Variants in EYS observed in about 807,000 individuals in gnomAD.
The protein encoded by EYS is protein eyes shut homolog.
Under a neutral mutation model 282.1 loss-of-function variants are expected in EYS, and 250 were observed. That is an observed-to-expected ratio of 0.89 (90% CI 0.80 to 0.98). The LOEUF is 0.98. EYS is among the 50% of genes least tolerant of loss of function. EYS has a pLI of 0.00. For synonymous variants in EYS, 1,355 were observed against 1,282.9 expected, an observed-to-expected ratio of 1.06 and a Z score of -1.20; for missense variants, 4,016 against 3,709.0, an observed-to-expected ratio of 1.08 and a Z score of -2.15.
chr6:64,255,700 T>C (rs916636955), intron 30 of EYS, among the ~76,000 whole-genome samples: 3 of 152,176 alleles, frequency 2.0e-5, no homozygotes, highest in African/African-American at 7.2e-5. Context: ...TGTATGCAAG[T>C]ATATATGTGT....
chr6:64,927,639 G>C (rs976589925), intron 15 of EYS, among the ~76,000 whole-genome samples: 7 of 152,026 alleles, frequency 4.6e-5, no homozygotes, highest in African/African-American at 1.4e-4. Context: ...TCTGGTGTAA[G>C]AAGTCCTAAA....
intron 14 of EYS, among the ~76,000 whole-genome samples, chr6:64,968,307 C>G (rs1012955452): frequency 1.3e-5 from 2 of 151,966 alleles, no homozygotes; most frequent in African/African-American, 4.8e-5. Context: ...TGCAGTTGTT[C>G]TATAAATTTT....
chr6:64,688,991 A>G (rs1770267661), intron 22 of EYS, among the ~76,000 whole-genome samples: 1 of 152,016 alleles, frequency 6.6e-6, no homozygotes, highest in African/African-American at 2.4e-5. Flanking sequence ...CAGGAGAAGG[A>G]AATAAAGGGC....
intron 31 of EYS, among the ~76,000 whole-genome samples, chr6:64,159,080 A>G (rs1374282085): frequency 6.6e-6 from 1 of 152,166 alleles, no homozygotes; most frequent in East Asian, 1.9e-4. Flanking sequence ...TTAGCTCCCA[A>G]ATCCCCACAA....
intron 13 of EYS, among the ~76,000 whole-genome samples, chr6:64,999,460 G>C (rs1272689476): frequency 6.6e-6 from 1 of 152,160 alleles, no homozygotes; most frequent in Admixed American, 6.5e-5. Flanking sequence ...TGATACAGAA[G>C]GGGGAAGGGA....
intron 12 of EYS, among the ~76,000 whole-genome samples, chr6:65,071,362 A>G (rs1445875253): frequency 6.6e-6 from 1 of 151,918 alleles, no homozygotes; most frequent in Admixed American, 6.6e-5. Flanking sequence ...ATGCACTTAA[A>G]GTAAAAATAC....
chr6:64,518,168 C>G (rs557327171), intron 26 of EYS, among the ~76,000 whole-genome samples: 1 of 151,818 alleles, frequency 6.6e-6, no homozygotes, highest in Non-Finnish European at 1.5e-5. Context: ...AACAAAGTGA[C>G]AAATTCCTAA....
At chr6:63,782,771 G>T (rs1263277676) in intron 39 of EYS, among the ~76,000 whole-genome samples, 1 of 152,058 alleles carries the variant, frequency 6.6e-6, no homozygotes, top group African/African-American at 2.4e-5. Flanking sequence ...TCTGATCTTA[G>T]TTATTTATTG....
At chr6:64,161,138 G>GA (rs1383655042) in intron 31 of EYS, among the ~76,000 whole-genome samples, 1 of 152,030 alleles carries the variant, frequency 6.6e-6, no homozygotes, top group African/African-American at 2.4e-5. Flanking sequence ...ATCCCTTATA[G>GA]AAAAACTGCT....
intron 1 of EYS, among the ~76,000 whole-genome samples, chr6:65,700,311 A>C (rs1405982075): frequency 5.3e-5 from 8 of 151,938 alleles, no homozygotes; most frequent in Non-Finnish European, 1.2e-4. Context: ...TGACAGTGAC[A>C]TGGAAAAAAG....
At chr6:64,762,072 A>G (rs1355143093) in intron 22 of EYS, among the ~76,000 whole-genome samples, 1 of 152,240 alleles carries the variant, frequency 6.6e-6, no homozygotes, top group African/African-American at 2.4e-5. Context: ...CTTACCACAA[A>G]GAAATGATAA....
intron 2 of EYS, among the ~76,000 whole-genome samples, chr6:65,518,685 T>C (rs1424922139): frequency 6.6e-6 from 1 of 152,174 alleles, no homozygotes; most frequent in Non-Finnish European, 1.5e-5. Flanking sequence ...TAGTAGGTTC[T>C]CACACTGCTA....
intron 12 of EYS, among the ~76,000 whole-genome samples, chr6:65,204,795 AATATATTCTGGAAGAACATATTT>A (rs1562021041): frequency 1.3e-4 from 18 of 143,498 alleles, no homozygotes; most frequent in South Asian, 6.3e-4. Flanking sequence ...ATTCCAGAAT[AATATATTCTGGAAGAACATATTT>A]ATATATTCTG....
intron 33 of EYS, among the ~76,000 whole-genome samples, chr6:64,028,869 C>G (rs1241771193): frequency 5.3e-5 from 8 of 152,202 alleles, no homozygotes; most frequent in Non-Finnish European, 1.2e-4. Flanking sequence ...AAAGGCCCAG[C>G]TTTGCCTACA....
intron 26 of EYS, among the ~76,000 whole-genome samples, chr6:64,575,413 C>A (rs369660075): frequency 2.2e-4 from 34 of 152,186 alleles, no homozygotes; most frequent in East Asian, 1.5e-3. Context: ...TATTGCATAA[C>A]CTCAAGTTGT....
At chr6:63,895,129 A>C (rs1773503832) in intron 35 of EYS, among the ~76,000 whole-genome samples, 1 of 132,356 alleles carries the variant, frequency 7.6e-6, no homozygotes, top group Admixed American at 8.4e-5. Flanking sequence ...CCTTTCATTA[A>C]ACATGCACTT....
intron 22 of EYS, among the ~76,000 whole-genome samples, chr6:64,681,263 C>T (rs1769882621): frequency 6.6e-6 from 1 of 152,154 alleles, no homozygotes; most frequent in Non-Finnish European, 1.5e-5. Context: ...AAGAGAATTG[C>T]ACCTAGTGAG....
At chr6:63,906,628 G>A (rs2149734958) in intron 35 of EYS, among the ~76,000 whole-genome samples, 1 of 152,174 alleles carries the variant, frequency 6.6e-6, no homozygotes, top group Admixed American at 6.5e-5. Context: ...TAGTTCTAAT[G>A]TTACATTTTA....
At chr6:64,522,927 T>C (rs1449801124) in intron 26 of EYS, among the ~76,000 whole-genome samples, 1 of 151,724 alleles carries the variant, frequency 6.6e-6, no homozygotes, top group Admixed American at 6.6e-5. Context: ...CAAAAGAATA[T>C]CTGGATGATT....
Sources: allele counts gnomAD v4.1 joint callset (sites outside exome capture counted in the v4.1 genomes callset), GRCh38; gene constraint gnomAD v4.1.1; transcripts MANE v1.5; gene names NCBI Gene and HGNC (gene_info 2026-07-23, HGNC 2026-07-21).